BTBD16: variants seen among roughly 807,000 people sequenced by gnomAD.
BTBD16 encodes BTB/POZ domain-containing protein 16.
BTBD16 carries 66 observed loss-of-function variants against 67.4 expected under a neutral mutation model. The observed-to-expected ratio is 0.98, with a 90% CI of 0.80 to 1.20. The LOEUF is 1.20. Ranked by LOEUF, BTBD16 falls within the 50% of genes most tolerant of loss-of-function variation. The pLI is 0.00. For missense variants in BTBD16, 634 were observed against 616.0 expected, an observed-to-expected ratio of 1.03 and a Z score of -0.31; for synonymous variants, 242 against 236.4, an observed-to-expected ratio of 1.02 and a Z score of -0.22.
chr10:122,294,509 C>G (rs188273334), intron 7 of BTBD16, among the ~76,000 whole-genome samples: 1 of 152,324 alleles, frequency 6.6e-6, no homozygotes, highest in Admixed American at 6.5e-5. Context: ...GGGATTGTGG[C>G]TGTCACATGC....
At chr10:122,271,940 G>A (rs879065890) in intron 1 of BTBD16, among the ~76,000 whole-genome samples, 26 of 152,196 alleles carry the variant, frequency 1.7e-4, no homozygotes, top group Admixed American at 1.4e-3. Flanking sequence ...TCCCGTGTGG[G>A]GTTTATTCTG....
At chr10:122,334,194 CTTTTT>C (rs71301565) in intron 13 of BTBD16, among the ~76,000 whole-genome samples, 1 of 93,172 alleles carries the variant, frequency 1.1e-5, no homozygotes, top group Non-Finnish European at 2.2e-5. Context: ...GTCCTCTTGA[CTTTTT>C]TTTTTTTTTT....
chr10:122,271,753 G>C (rs985322705), intron 1 of BTBD16, among the ~76,000 whole-genome samples: 3 of 152,154 alleles, frequency 2.0e-5, no homozygotes, highest in Admixed American at 6.5e-5. Flanking sequence ...GGGGCAGATT[G>C]CCTGGTGGGA....
chr10:122,333,984 AT>A (rs898691517), intron 13 of BTBD16, among the ~76,000 whole-genome samples: 29 of 151,476 alleles, frequency 1.9e-4, no homozygotes, highest in East Asian at 3.9e-4. Context: ...GTGGTATAGA[AT>A]TTTTTTTTAA....
At chr10:122,299,592 G>A (rs1051823799) in intron 9 of BTBD16, among the ~76,000 whole-genome samples, 31 of 151,614 alleles carry the variant, frequency 2.0e-4, no homozygotes, top group African/African-American at 5.8e-4. Flanking sequence ...GCCATCTCTC[G>A]GTGCCCCTGC....
intron 9 of BTBD16, among the ~76,000 whole-genome samples, chr10:122,305,786 T>C (rs2096402725): frequency 6.6e-6 from 1 of 152,210 alleles, no homozygotes; most frequent in African/African-American, 2.4e-5. Context: ...CCCTTAATGG[T>C]GTCCATGTGT....
rs1590097656 is a variant in BTBD16 at position 122,329,466 on chromosome 10, A to G, written c.912-14A>G. On this transcript the variant is annotated splice_polypyrimidine_tract_variant and intron_variant, in intron 10 of 15. Transcript: ENST00000260723. ...TGCTGAAGGTCTGTTATTCTTCTTT[A>G]TGCCTCTGCTAAGCTTTCCTGAGAA... is the stretch of plus-strand genomic sequence containing the variant. The G allele has an allele frequency of 6.2e-7, 1 of 1,612,970 alleles. No homozygotes were observed. The highest frequency in any genetic ancestry group is 8.5e-7 in the Non-Finnish European group (1 of 1,179,696).
At chr10:122,332,328 T>A in intron 12 of BTBD16, 108 bp from the exon 13 acceptor site, 1 of 976,772 alleles carries the variant, frequency 1.0e-6, no homozygotes, top group Non-Finnish European at 1.5e-6. Context: ...AAACTCTTTT[T>A]CAAACCTGGT....
At chr10:122,292,211 G>A (rs569517654) in intron 7 of BTBD16, among the ~76,000 whole-genome samples, 12 of 152,342 alleles carry the variant, frequency 7.9e-5, no homozygotes, top group Admixed American at 2.0e-4. Flanking sequence ...GACATAAAAT[G>A]TGGCTTATAA....
At chr10:122,291,043 C>A in intron 6 of BTBD16, 37 bp from the exon 7 acceptor site, 1 of 1,593,756 alleles carries the variant, frequency 6.3e-7, no homozygotes, top group Non-Finnish European at 8.5e-7. Context: ...GTGTGCAGAG[C>A]CCCACACAGA....
intron 3 of BTBD16, among the ~76,000 whole-genome samples, chr10:122,282,691 T>G (rs2096355552): frequency 6.6e-6 from 1 of 152,250 alleles, no homozygotes; most frequent in East Asian, 1.9e-4. Flanking sequence ...TTAATGAATA[T>G]TGCTGAGCAC....
chr10:122,310,389 C>A (rs2096411656), intron 10 of BTBD16, among the ~76,000 whole-genome samples: 1 of 152,198 alleles, frequency 6.6e-6, no homozygotes, highest in Non-Finnish European at 1.5e-5. Flanking sequence ...AGTGCGGAGG[C>A]TTTGTAGCTG....
At chr10:122,299,327 G>A (rs900572125) in intron 9 of BTBD16, among the ~76,000 whole-genome samples, 193 bp downstream of exon 9, 4 of 152,100 alleles carry the variant, frequency 2.6e-5, no homozygotes, top group East Asian at 1.9e-4. Flanking sequence ...CTCCCTTCTC[G>A]CTCCTTCTTG....
Position 122,308,393 on chromosome 10 carries a change from G to A in BTBD16, c.911+1085G>A, listed in dbSNP as rs569811486. ...TTTTCCATTTTCTTTTCGAATCTAC[G>A]TTGATTTGTCCCAGACCTCACATCG... On this transcript the variant is annotated intron_variant, in intron 10 of 15. Coordinates refer to ENST00000260723, the MANE Select transcript of BTBD16 (RefSeq NM_144587.5). 8.5e-5 allele frequency among the ~76,000 whole-genome samples: 13 copies of A among 152,228 alleles called. No individual in the cohort carries two copies. In the South Asian group the frequency reaches 2.5e-3, roughly 29 times the overall value.
At chr10:122,284,453 A>G (rs2096359430) in intron 4 of BTBD16, among the ~76,000 whole-genome samples, 1 of 152,072 alleles carries the variant, frequency 6.6e-6, no homozygotes, top group Admixed American at 6.5e-5. Context: ...CATCTCAAAA[A>G]AAAAAAAAGT....
At chr10:122,284,565 C>T (rs1265386897) in intron 4 of BTBD16, among the ~76,000 whole-genome samples, 1 of 152,064 alleles carries the variant, frequency 6.6e-6, no homozygotes, top group Non-Finnish European at 1.5e-5. Flanking sequence ...TTCACAGCTG[C>T]ACTTGTTCAA....
At chr10:122,276,744 T>C in intron 2 of BTBD16, 47 bp from the exon 3 acceptor site, 2 of 1,593,652 alleles carry the variant, frequency 1.3e-6, no homozygotes, top group Non-Finnish European at 1.7e-6. Flanking sequence ...GGCATTTATG[T>C]GAAGTTAGAA....
At chr10:122,294,057 A>G in intron 7 of BTBD16, 1 of 901,950 alleles carries the variant, frequency 1.1e-6, no homozygotes, top group Non-Finnish European at 1.3e-6. Context: ...TGATGAGCAA[A>G]CATAGGCTTG....
chr10:122,308,956 T>TG (rs1030332321), intron 10 of BTBD16, among the ~76,000 whole-genome samples: 4 of 152,152 alleles, frequency 2.6e-5, no homozygotes, highest in Non-Finnish European at 4.4e-5. Context: ...CCATCCGTGA[T>TG]GGGGGCCACC....
Sources: gnomAD v4.1 joint callset for allele counts (sites outside exome capture counted in the v4.1 genomes callset) on GRCh38, gnomAD v4.1.1 for gene constraint, MANE v1.5 for transcripts, NCBI Gene and HGNC (gene_info 2026-07-23, HGNC 2026-07-21) for gene names.